The following SEMA5A variants were observed in gnomAD, a reference collection of about 807,000 sequenced individuals.
SEMA5A encodes the protein semaphorin 5A.
Under a neutral mutation model 135.5 loss-of-function variants are expected in SEMA5A, and 55 were observed. The ratio of observed to expected loss-of-function variants is 0.41; its 90% CI spans 0.33 to 0.51. The LOEUF (loss-of-function observed/expected upper bound fraction) is 0.51, where lower values mean the gene tolerates loss of function less well. SEMA5A is among the 20% of genes least tolerant of loss of function. The pLI is 0.37. For missense variants in SEMA5A, 1,290 were observed against 1,419.9 expected, an observed-to-expected ratio of 0.91 and a Z score of 1.47; for synonymous variants, 580 against 546.5, an observed-to-expected ratio of 1.06 and a Z score of -0.85.
At chr5:9,159,765 C>T (rs1258320223) in intron 11 of SEMA5A, among the ~76,000 whole-genome samples, 2 of 152,164 alleles carry the variant, frequency 1.3e-5, no homozygotes, top group African/African-American at 4.8e-5. Context: ...ATGTTTATTG[C>T]AGCACTATTT....
At chr5:9,080,996 C>G (rs185509754) in intron 16 of SEMA5A, among the ~76,000 whole-genome samples, 1 of 152,312 alleles carries the variant, frequency 6.6e-6, no homozygotes, top group East Asian at 1.9e-4. Flanking sequence ...TAATCCACAA[C>G]CTCCTCGTAC....
chr5:9,144,835 G>A (rs1347876608), intron 12 of SEMA5A, among the ~76,000 whole-genome samples: 1 of 152,118 alleles, frequency 6.6e-6, no homozygotes, highest in African/African-American at 2.4e-5. Context: ...CTGTTGATTT[G>A]CCCCGGCAGA....
intron 1 of SEMA5A, among the ~76,000 whole-genome samples, chr5:9,468,152 C>T (rs1579589878): frequency 1.3e-5 from 2 of 152,178 alleles, no homozygotes; most frequent in Admixed American, 6.5e-5. Context: ...AGGGAGGGCC[C>T]GGGAAAGAGA....
chr5:9,178,002 T>C (rs1369254195), intron 11 of SEMA5A, among the ~76,000 whole-genome samples: 1 of 152,220 alleles, frequency 6.6e-6, no homozygotes, highest in Admixed American at 6.5e-5. Flanking sequence ...ATCAGATAAA[T>C]TGAAACCTTC....
At chr5:9,068,663 A>G (rs1435675133) in intron 16 of SEMA5A, among the ~76,000 whole-genome samples, 2 of 152,048 alleles carry the variant, frequency 1.3e-5, no homozygotes, top group African/African-American at 4.8e-5. Context: ...AACTTCTTAA[A>G]CAGAAGTCAC....
intron 5 of SEMA5A, among the ~76,000 whole-genome samples, chr5:9,274,258 T>G (rs1202215887): frequency 6.6e-6 from 1 of 152,074 alleles, no homozygotes; most frequent in Non-Finnish European, 1.5e-5. Flanking sequence ...TACATAATAG[T>G]AAAGGGATCA....
chr5:9,104,251 T>C (rs886574711), intron 16 of SEMA5A, among the ~76,000 whole-genome samples: 1 of 152,188 alleles, frequency 6.6e-6, no homozygotes, highest in African/African-American at 2.4e-5. Context: ...CTTGCAGGGA[T>C]ACAGAGAGAA....
chr5:9,373,663 G>A (rs1287392934), intron 3 of SEMA5A, among the ~76,000 whole-genome samples: 5 of 152,112 alleles, frequency 3.3e-5, no homozygotes. Flanking sequence ...AAATCAATAG[G>A]GCCCTGCCTG....
intron 6 of SEMA5A, 97 bp downstream of exon 6, chr5:9,237,731 C>T: frequency 9.4e-7 from 1 of 1,066,020 alleles, no homozygotes; most frequent in Non-Finnish European, 1.4e-6. Context: ...CTTTACATGG[C>T]ACCGTAATCA....
At position 9,317,554 on chromosome 5, in the gene SEMA5A, C is replaced by T. The variant is rs182147841; in HGVS notation, c.270+818G>A. 3.9e-5 allele frequency among the ~76,000 whole-genome samples: 6 copies of T among 152,188 alleles called. No individual in the cohort carries two copies. In the East Asian group the frequency reaches 1.2e-3, roughly 29 times the overall value. On this transcript the variant is annotated intron_variant, in intron 5 of 22. Transcript: ENST00000382496. ...TATTAAAACCTAGCTCTGAAGTTCC[C>T]TAAATGTTCACAAGCAGCAGCATTA...
intron 13 of SEMA5A, among the ~76,000 whole-genome samples, chr5:9,127,191 G>A (rs976043477): frequency 6.6e-6 from 1 of 152,206 alleles, no homozygotes; most frequent in Non-Finnish European, 1.5e-5. Context: ...CAGTCATGCT[G>A]GAATTCTCTC....
chr5:9,249,867 A>T (rs1748681932), intron 5 of SEMA5A, among the ~76,000 whole-genome samples: 1 of 152,180 alleles, frequency 6.6e-6, no homozygotes, highest in Admixed American at 6.6e-5. Flanking sequence ...AAGGCCTGAA[A>T]TGGGAAGAAA....
intron 2 of SEMA5A, among the ~76,000 whole-genome samples, chr5:9,387,250 G>A (rs981235352): frequency 3.9e-5 from 6 of 152,106 alleles, no homozygotes; most frequent in African/African-American, 1.4e-4. Flanking sequence ...ATATAATCAG[G>A]GATGAACCTA....
At chr5:9,434,289 A>C (rs903564029) in intron 2 of SEMA5A, among the ~76,000 whole-genome samples, 6 of 152,182 alleles carry the variant, frequency 3.9e-5, no homozygotes, top group African/African-American at 1.2e-4. Flanking sequence ...TCAACTCTTT[A>C]AACTGCTTAT....
chr5:9,286,942 C>G (rs752490176), intron 5 of SEMA5A, among the ~76,000 whole-genome samples: 1 of 152,216 alleles, frequency 6.6e-6, no homozygotes, highest in South Asian at 2.1e-4. Flanking sequence ...AATCTTTGAA[C>G]ACATTTCCTT....
chr5:9,213,852 G>A (rs796416292), intron 8 of SEMA5A, among the ~76,000 whole-genome samples: 44 of 152,240 alleles, frequency 2.9e-4, no homozygotes, highest in African/African-American at 1.0e-3. Flanking sequence ...AAAGCCAAGG[G>A]AGCACATAGA....
rs3061561 is a variant in SEMA5A, at chr5:9,241,565, C to CAA, written c.271-3677_271-3676dup. On this transcript the variant is annotated intron_variant, in intron 5 of 22. Transcript: ENST00000382496. The stretch of plus-strand genomic sequence containing the variant: ...TGTGACAAACATACAAAGAGAGCTA[C>CAA]AAAAAAAAAAAAAAAAAAGAAGAGG... Among the ~76,000 whole-genome samples the CAA allele has an allele frequency of 1.6e-3, 177 of 111,860 alleles. 3 individuals are homozygous for CAA. The highest frequency in any genetic ancestry group is 5.1e-3 in the African/African-American group (157 of 30,914). 73.4% of individuals were successfully genotyped at this position (111,860 alleles called of 152,430 possible). A position where few individuals can be genotyped will look rare whatever the true frequency, so the allele number is the denominator to read the frequency against.
intron 5 of SEMA5A, among the ~76,000 whole-genome samples, chr5:9,304,754 T>C (rs1751779298): frequency 1.3e-5 from 2 of 152,340 alleles, no homozygotes; most frequent in South Asian, 2.1e-4. Context: ...TCAGTATTGA[T>C]TTATGATGAT....
intron 3 of SEMA5A, among the ~76,000 whole-genome samples, chr5:9,353,364 A>AAAGGAAAGGAAAGGAAAGGAAAGGG (rs1754292805): frequency 7.2e-6 from 1 of 138,124 alleles, no homozygotes; most frequent in African/African-American, 2.7e-5. Context: ...GAAGGAAAGG[A>AAAGGAAAGGAAAGGAAAGGAAAGGG]AAGGAAAGGA....
Sources: gnomAD v4.1 joint callset for allele counts (sites outside exome capture counted in the v4.1 genomes callset) on GRCh38, gnomAD v4.1.1 for gene constraint, MANE v1.5 for transcripts, NCBI Gene and HGNC (gene_info 2026-07-23, HGNC 2026-07-21) for gene names.